Variants in ANP32B observed in about 807,000 individuals in gnomAD.
The protein encoded by ANP32B is acidic leucine-rich nuclear phosphoprotein 32 family member B.
Under a neutral mutation model 32.2 loss-of-function variants are expected in ANP32B, and 6 were observed. The observed-to-expected ratio is 0.19, with a 90% CI of 0.10 to 0.37. The LOEUF is 0.37. Among genes scored for constraint, ANP32B ranks in the 10% least tolerant of loss-of-function variants. The probability of loss-of-function intolerance (pLI) is 1.00; values close to 1 mark genes in which losing one functional copy is unlikely to be tolerated. For missense variants in ANP32B, 204 were observed against 289.2 expected, an observed-to-expected ratio of 0.71 and a Z score of 2.14; for synonymous variants, 98 against 105.8, an observed-to-expected ratio of 0.93 and a Z score of 0.45.
intron 1 of ANP32B, among the ~76,000 whole-genome samples, chr9:97,992,135 GC>G (rs1221021835): frequency 6.6e-6 from 1 of 152,022 alleles, no homozygotes; most frequent in East Asian, 1.9e-4. Flanking sequence ...TTTCACCGAG[GC>G]TGGGGTGCAG....
rs559348650 is a variant in ANP32B, at chr9:97,983,760, G to C, written c.54+151G>C. On this transcript the variant is annotated intron_variant, in intron 1 of 6. Transcript: ENST00000339399. ...ACGGGGAAGGCGGGCGGGCGCGGAG[G>C]GGGGAGCGAGCGCGCGAGGATTAAC... The C allele has an allele frequency of 9.6e-5, 51 of 530,384 alleles. No homozygotes were observed. In the Middle Eastern group the frequency reaches 2.0e-3, roughly 21 times the overall value. The allele number at this position is 530,384 out of a possible 1,614,324, so 32.9% of individuals were successfully genotyped here.
At position 97,998,551 on chromosome 9, in the gene ANP32B, T is replaced by G; in HGVS notation, c.205-5T>G. The G allele has an allele frequency of 6.2e-7, 1 of 1,601,816 alleles. No individual in the cohort carries two copies. Among genetic ancestry groups the G allele is most frequent in the Non-Finnish European group, 8.5e-7 (1 of 1,176,616 alleles). On this transcript the variant is annotated splice_polypyrimidine_tract_variant and splice_region_variant and intron_variant, in intron 2 of 6. Transcript: ENST00000339399. ...TGTTTGTGTTGTGTCCATTTTCTCT[T>G]GCAGCTTGAACTCAGTGAAAATAGA...
chr9:97,992,472 A>T (rs1300539463), intron 1 of ANP32B, among the ~76,000 whole-genome samples: 1 of 152,242 alleles, frequency 6.6e-6, no homozygotes, highest in African/African-American at 2.4e-5. Context: ...GAATTTTGCA[A>T]GTTGAAAGAA....
rs769376133 is a variant in ANP32B, at chr9:97,998,689, G to A, written c.327+11G>A. 5.9e-6 allele frequency: 9 copies of A among 1,526,036 alleles called. No homozygotes were observed. Among genetic ancestry groups the A allele is most frequent in the Middle Eastern group, 3.5e-4 (2 of 5,722 alleles). 94.5% of individuals were successfully genotyped at this position (1,526,036 alleles called of 1,614,324 possible). A position where few individuals can be genotyped will look rare whatever the true frequency, so the allele number is the denominator to read the frequency against. ...ACCTTGGAACCTTTGGTAAGTAACT[G>A]AGAATTTGGAAACTGGAACTTACTG... is the stretch of plus-strand genomic sequence containing the variant. On this transcript the variant is annotated intron_variant, in intron 3 of 6. Transcript: ENST00000339399.
At chr9:98,002,258 T>A (rs1828006513) in intron 3 of ANP32B, 1 of 152,198 alleles carries the variant, frequency 6.6e-6, no homozygotes, top group Non-Finnish European at 1.5e-5. Context: ...TGATTGTGAA[T>A]GCCTCTGCTT....
rs541753362 is a variant in ANP32B at position 98,015,724 on chromosome 9, G to A, written c.*293G>A. The stretch of plus-strand genomic sequence containing the variant: ...GATAGCTGTGATTGGTGAGTCAACC[G>A]TCTGTGGCTACCAGTTACACTGAGA... On this transcript the variant is annotated 3_prime_UTR_variant, in exon 7 of 7. Coordinates refer to ENST00000339399, the MANE Select transcript of ANP32B (RefSeq NM_006401.3). 24 of 1,046,460 alleles carry A rather than the reference G, an allele frequency of 2.3e-5. No individual in the cohort carries two copies. Among genetic ancestry groups the A allele is most frequent in the African/African-American group, 1.5e-4 (9 of 59,748 alleles). The allele number at this position is 1,046,460 out of a possible 1,614,324, so 64.8% of individuals were successfully genotyped here.
intron 3 of ANP32B, 23 bp downstream of exon 3, chr9:97,998,701 A>G: frequency 1.3e-6 from 2 of 1,530,202 alleles, no homozygotes; most frequent in Non-Finnish European, 1.8e-6. Flanking sequence ...GAATTTGGAA[A>G]CTGGAACTTA....
chr9:97,985,438 C>T (rs1026666022), intron 1 of ANP32B, among the ~76,000 whole-genome samples: 3 of 152,172 alleles, frequency 2.0e-5, no homozygotes, highest in South Asian at 2.1e-4. Context: ...TCCGACCTTC[C>T]GTCAGACATT....
intron 1 of ANP32B, among the ~76,000 whole-genome samples, chr9:97,987,249 C>T (rs943450772): frequency 7.1e-6 from 1 of 141,472 alleles, no homozygotes; most frequent in African/African-American, 2.5e-5. Context: ...AACAAAATGG[C>T]CTAAGATGGC....
intron 6 of ANP32B, among the ~76,000 whole-genome samples, chr9:98,012,791 C>T (rs1471193239): frequency 6.6e-6 from 1 of 152,124 alleles, no homozygotes; most frequent in African/African-American, 2.4e-5. Flanking sequence ...AGTGCAGTGG[C>T]ACGATCTCGG....
chr9:97,990,085 C>A (rs1387405930), intron 1 of ANP32B, among the ~76,000 whole-genome samples: 2 of 152,172 alleles, frequency 1.3e-5, no homozygotes. Flanking sequence ...TAAACTTGAT[C>A]TCTCATTTGT....
intron 4 of ANP32B, among the ~76,000 whole-genome samples, chr9:98,009,584 A>G (rs1335565993): frequency 6.6e-6 from 1 of 152,340 alleles, no homozygotes; most frequent in African/African-American, 2.4e-5. Context: ...TAGAATTTGC[A>G]CTCCTATGAG....
rs1406283932 is a variant in ANP32B, at chr9:98,011,299, T to G, written c.546T>G (p.Asp182Glu). The G allele has an allele frequency of 1.3e-6, 2 of 1,549,180 alleles. No individual in the cohort carries two copies. The highest frequency in any genetic ancestry group is 2.7e-5 in the African/African-American group (2 of 72,936). Residue 182 changes from aspartate (D) to glutamate (E), a missense_variant, in exon 5 of 7, where the codon GAT (aspartate) becomes GAG (glutamate). Physicochemically the swap from Asp to Glu is conservative, Grantham distance 45. Transcript: ENST00000339399. The part of the protein sequence containing the change: ...EEGEDEEDED[D>E]EDGEEEEFDE... ...GAGAAGATGAGGAAGACGAGGACGA[T>G]GAGGATGGTGAAGAAGAGGAGTTTG...
intron 1 of ANP32B, among the ~76,000 whole-genome samples, chr9:97,986,050 ACCTCGGGTGAT>A (rs1827726413): frequency 6.6e-6 from 1 of 151,672 alleles, no homozygotes. Context: ...CCAACTCCTG[ACCTCGGGTGAT>A]CCACCCGCCT....
chr9:97,998,515 G>A, intron 2 of ANP32B, 41 bp from the exon 3 acceptor site: 1 of 1,560,984 alleles, frequency 6.4e-7, no homozygotes, highest in East Asian at 2.4e-5. Flanking sequence ...CTGTTTCTCT[G>A]TGTGTATTTG....
intron 4 of ANP32B, among the ~76,000 whole-genome samples, chr9:98,008,247 A>G (rs930609686): frequency 1.3e-5 from 2 of 152,160 alleles, no homozygotes; most frequent in African/African-American, 4.8e-5. Context: ...TGTTCTGAGC[A>G]TTGGGATTTT....
chr9:98,000,963 A>G (rs905524097), intron 3 of ANP32B, among the ~76,000 whole-genome samples: 6 of 150,982 alleles, frequency 4.0e-5, no homozygotes, highest in Non-Finnish European at 7.4e-5. Flanking sequence ...TGTGTTTTCC[A>G]TAGCCCTTGG....
chr9:98,004,732 T>C (rs1346356707), intron 3 of ANP32B, among the ~76,000 whole-genome samples: 1 of 152,184 alleles, frequency 6.6e-6, no homozygotes, highest in Non-Finnish European at 1.5e-5. Context: ...TAGACTACTA[T>C]GCTGCCAGAA....
Position 97,983,601 on chromosome 9 carries a change from C to G in ANP32B, c.46C>G (p.Pro16Ala). Residue 16 changes from proline to alanine, a missense_variant, in exon 1 of 7, where the codon CCG (proline) becomes GCG (alanine). Physicochemically the swap from Pro to Ala is conservative, Grantham distance 27. Transcript: ENST00000339399. ...CCACCTGGAGCTGAGGAACCGGACC[C>G]CGGCAGCTGTAAGCAGAGACCCCTC... ...RIHLELRNRT[P>A]AAVRELVLDN... 6.3e-7 allele frequency: 1 copy of G among 1,581,064 alleles called. No individual in the cohort carries two copies. The highest frequency in any genetic ancestry group is 8.6e-7 in the Non-Finnish European group (1 of 1,164,680).
Sources: gnomAD v4.1 joint callset for allele counts (sites outside exome capture counted in the v4.1 genomes callset) on GRCh38, gnomAD v4.1.1 for gene constraint, MANE v1.5 for transcripts, NCBI Gene and HGNC (gene_info 2026-07-23, HGNC 2026-07-21) for gene names.